Variants in STXBP5L observed in about 807,000 individuals in gnomAD.
STXBP5L encodes the protein syntaxin-binding protein 5-like.
Under a neutral mutation model 144.5 loss-of-function variants are expected in STXBP5L, and 65 were observed. The observed-to-expected ratio is 0.45, with a 90% confidence interval of 0.37 to 0.55. The LOEUF is 0.55. Among genes scored for constraint, STXBP5L ranks in the 20% least tolerant of loss-of-function variants. The probability of loss-of-function intolerance (pLI) is 0.00; values close to 1 mark genes in which losing one functional copy is unlikely to be tolerated. For synonymous variants in STXBP5L, 505 were observed against 469.6 expected (o/e 1.08, Z -0.97); for missense variants, 1,298 against 1,405.5 (o/e 0.92, Z 1.22).
chr3:121,254,324 T>G (rs1213460843), intron 15 of STXBP5L, among the ~76,000 whole-genome samples: 2 of 152,184 alleles, frequency 1.3e-5, no homozygotes, highest in Non-Finnish European at 2.9e-5. Context: ...TCTGACCCTT[T>G]CTTGACACAG....
intron 9 of STXBP5L, among the ~76,000 whole-genome samples, chr3:121,184,715 C>T (rs940745812): frequency 6.6e-6 from 1 of 152,032 alleles, no homozygotes; most frequent in African/African-American, 2.4e-5. Flanking sequence ...ATACAGAGAA[C>T]ACCACAAAGA....
chr3:121,237,367 T>G (rs2049515668), intron 12 of STXBP5L, among the ~76,000 whole-genome samples: 1 of 152,126 alleles, frequency 6.6e-6, no homozygotes, highest in South Asian at 2.1e-4. Context: ...GTTGTAGGGA[T>G]GTGAGGAACA....
At chr3:121,385,747 C>T (rs2046413026) in intron 22 of STXBP5L, among the ~76,000 whole-genome samples, 1 of 152,070 alleles carries the variant, frequency 6.6e-6, no homozygotes. Context: ...CACTTTTGGA[C>T]CTACCCTGTC....
chr3:121,173,965 GA>G (rs1227487464), intron 9 of STXBP5L, among the ~76,000 whole-genome samples: 1 of 152,024 alleles, frequency 6.6e-6, no homozygotes, highest in African/African-American at 2.4e-5. Flanking sequence ...AAATATGTAA[GA>G]ACCGGAGGGA....
At chr3:121,147,399 A>G (rs1486676986) in intron 7 of STXBP5L, among the ~76,000 whole-genome samples, 1 of 152,122 alleles carries the variant, frequency 6.6e-6, no homozygotes, top group African/African-American at 2.4e-5. Context: ...AAATTAGAAT[A>G]TATTTTAAAC....
chr3:120,979,996 G>T (rs961607704), intron 3 of STXBP5L, among the ~76,000 whole-genome samples: 11 of 152,142 alleles, frequency 7.2e-5, no homozygotes, highest in Non-Finnish European at 1.5e-4. Flanking sequence ...TCTTTCAGGA[G>T]CAGGTTGTTC....
At position 121,414,434 on chromosome 3, in the gene STXBP5L, C is replaced by T. The variant is rs2047187745; in HGVS notation, c.3114+1111C>T. Among the ~76,000 whole-genome samples, 3 of 152,170 alleles carry T rather than the reference C, an allele frequency of 2.0e-5. No individual in the cohort carries two copies. In the South Asian group the frequency reaches 6.2e-4, roughly 32 times the overall value. On this transcript the variant is annotated intron_variant, in intron 24 of 26. Coordinates refer to ENST00000471454, the MANE Select transcript of STXBP5L (RefSeq NM_001308330.2). ...CTTAAGGTTAAACTTTTACAGCTAT[C>T]CTGTTTCTAGTCTATGCCTACTGCT...
At chr3:121,049,243 A>T (rs567688036) in intron 5 of STXBP5L, among the ~76,000 whole-genome samples, 3 of 152,026 alleles carry the variant, frequency 2.0e-5, no homozygotes, top group African/African-American at 7.2e-5. Flanking sequence ...CCTGATCTTG[A>T]GGGCATCAGT....
chr3:121,002,560 G>A (rs368539032), intron 3 of STXBP5L, among the ~76,000 whole-genome samples: 38 of 151,902 alleles, frequency 2.5e-4, no homozygotes, highest in African/African-American at 8.9e-4. Context: ...TGTTTATTTT[G>A]TTGTTGTTTT....
At chr3:121,091,200 C>G (rs1261395894) in intron 5 of STXBP5L, among the ~76,000 whole-genome samples, 2 of 146,948 alleles carry the variant, frequency 1.4e-5, no homozygotes, top group Non-Finnish European at 3.0e-5. Flanking sequence ...TGGATTGGTT[C>G]CAAGTCCTTG....
At chr3:120,996,926 A>G (rs1559973311) in intron 3 of STXBP5L, among the ~76,000 whole-genome samples, 1 of 152,120 alleles carries the variant, frequency 6.6e-6, no homozygotes, top group Non-Finnish European at 1.5e-5. Context: ...ATAGTAGTCA[A>G]TAGTTTTTCA....
intron 3 of STXBP5L, among the ~76,000 whole-genome samples, chr3:120,963,632 A>G (rs761902752): frequency 2.0e-5 from 3 of 152,160 alleles, no homozygotes; most frequent in Admixed American, 6.5e-5. Flanking sequence ...TGACTTGATC[A>G]TGGTGGATAA....
intron 24 of STXBP5L, 146 bp downstream of exon 24, chr3:121,413,469 C>A (rs1288104209): frequency 7.5e-6 from 5 of 667,610 alleles, no homozygotes; most frequent in East Asian, 3.2e-5. Context: ...TCATTTTGAG[C>A]CTACCAACTT....
chr3:121,018,634 G>A (rs542223060), intron 3 of STXBP5L, among the ~76,000 whole-genome samples: 98 of 151,282 alleles, frequency 6.5e-4, no homozygotes, highest in Admixed American at 1.5e-3. Context: ...AAAACTCTTA[G>A]AAGATAACAG....
At chr3:121,032,452 G>C (rs531170431) in intron 3 of STXBP5L, among the ~76,000 whole-genome samples, 2 of 152,074 alleles carry the variant, frequency 1.3e-5, no homozygotes, top group Non-Finnish European at 2.9e-5. Context: ...AAATTCATGT[G>C]TTTTTCATAA....
chr3:121,148,817 G>T (rs1389721796), intron 7 of STXBP5L, among the ~76,000 whole-genome samples: 11 of 152,054 alleles, frequency 7.2e-5, no homozygotes, highest in Non-Finnish European at 1.5e-4. Flanking sequence ...GTACAAGGTT[G>T]TTCATGGCAG....
chr3:121,164,370 T>C (rs946710895), intron 9 of STXBP5L, among the ~76,000 whole-genome samples: 2 of 152,126 alleles, frequency 1.3e-5, no homozygotes, highest in East Asian at 3.9e-4. Context: ...ATGGCTGTTA[T>C]CAAAAAGAGA....
chr3:121,352,478 T>A (rs1375328104), intron 20 of STXBP5L, among the ~76,000 whole-genome samples: 1 of 152,128 alleles, frequency 6.6e-6, no homozygotes, highest in Non-Finnish European at 1.5e-5. Flanking sequence ...GATTTGGCTC[T>A]CTGTTTGTCT....
At chr3:121,125,301 T>C (rs994559346) in intron 7 of STXBP5L, among the ~76,000 whole-genome samples, 1 of 152,038 alleles carries the variant, frequency 6.6e-6, no homozygotes, top group Non-Finnish European at 1.5e-5. Flanking sequence ...GAACCCTGTC[T>C]CTACCAAAAA....
Sources: allele counts gnomAD v4.1 joint callset (sites outside exome capture counted in the v4.1 genomes callset), GRCh38; gene constraint gnomAD v4.1.1; transcripts MANE v1.5; gene names NCBI Gene and HGNC (gene_info 2026-07-23, HGNC 2026-07-21).